Variants in UGT1A10 observed in about 807,000 individuals in gnomAD.
UGT1A10 encodes the protein UDP-glucuronosyltransferase 1A10.
UGT1A10 carries 49 observed loss-of-function variants against 45.8 expected under a neutral mutation model. The ratio of observed to expected loss-of-function variants is 1.07; its 90% CI spans 0.85 to 1.36. The LOEUF (loss-of-function observed/expected upper bound fraction) is 1.36, where lower values mean the gene tolerates loss of function less well. UGT1A10 is among the 40% of genes most tolerant of loss of function. The pLI is 0.00. For synonymous variants in UGT1A10, 284 were observed against 249.7 expected, an observed-to-expected ratio of 1.14 and a Z score of -1.29; for missense variants, 745 against 668.6, an observed-to-expected ratio of 1.11 and a Z score of -1.26.
intron 1 of UGT1A10, chr2:233,693,450 C>G (rs767791458): frequency 1.2e-6 from 2 of 1,614,122 alleles, no homozygotes; most frequent in Non-Finnish European, 1.7e-6. Flanking sequence ...GCTCTTTTCA[C>G]AGACCCAGCC....
At chr2:233,683,914 A>G (rs2074656388) in intron 1 of UGT1A10, among the ~76,000 whole-genome samples, 1 of 152,210 alleles carries the variant, frequency 6.6e-6, no homozygotes, top group Non-Finnish European at 1.5e-5. Context: ...CGGAGCATAT[A>G]GTTCCAAAAT....
Position 233,769,857 on chromosome 2 carries a change from CAAAAAA to C in UGT1A10, c.1295+1430_1295+1435del. 2.7e-5 allele frequency: 6 copies of C among 223,658 alleles called. No homozygotes were observed. Among genetic ancestry groups the C allele is most frequent in the Non-Finnish European group, 3.2e-5 (4 of 125,112 alleles). The allele number at this position is 223,658 out of a possible 1,614,324, so 13.9% of individuals were successfully genotyped here. On this transcript the variant is annotated intron_variant, in intron 4 of 4. Transcript: ENST00000344644. This position sits in a 1 kb window ranked among gnomAD's most constrained non-coding sequence, Gnocchi z 4.4. ...TGGGCAACAGAGTGAGACCCTGTCT[CAAAAAA>C]AAAAAAAAAAATGAAAAGTCCACAT...
At chr2:233,680,451 G>A (rs17863777) in intron 1 of UGT1A10, among the ~76,000 whole-genome samples, 1 of 152,156 alleles carries the variant, frequency 6.6e-6, no homozygotes, top group East Asian at 1.9e-4. Flanking sequence ...AAGTGACTAA[G>A]CAAATGTCTA....
At chr2:233,670,745 C>T (rs781379004) in intron 1 of UGT1A10, among the ~76,000 whole-genome samples, 9 of 152,060 alleles carry the variant, frequency 5.9e-5, no homozygotes, top group Non-Finnish European at 8.8e-5. Context: ...GCAAGTAGAC[C>T]ACTTTGACAC....
chr2:233,672,699 G>T (rs1194232610), intron 1 of UGT1A10: 5 of 1,613,882 alleles, frequency 3.1e-6, no homozygotes, highest in Non-Finnish European at 4.2e-6. Flanking sequence ...TGTTGCGAAC[G>T]GACTTTGTTT....
intron 1 of UGT1A10, among the ~76,000 whole-genome samples, chr2:233,668,095 G>A (rs2074114165): frequency 6.6e-6 from 1 of 151,830 alleles, no homozygotes; most frequent in Non-Finnish European, 1.5e-5. Context: ...TAGGGTACAT[G>A]TGCACAACAT....
At chr2:233,743,996 C>T (rs76063448) in intron 1 of UGT1A10, 37,130 of 1,239,474 alleles carry the variant, frequency 0.03, 683 homozygotes, top group African/African-American at 0.05. Context: ...GGCCCGAGTG[C>T]TCGGAGACCT....
chr2:233,755,332 C>G, intron 1 of UGT1A10: 1 of 459,718 alleles, frequency 2.2e-6, no homozygotes, highest in Non-Finnish European at 3.7e-6. Flanking sequence ...CCAGCACCCG[C>G]GCACAGGTCA....
At chr2:233,682,545 T>C in intron 1 of UGT1A10, 1 of 1,613,930 alleles carries the variant, frequency 6.2e-7, no homozygotes. Context: ...GCCATGACTT[T>C]CAAGGAGAGA....
chr2:233,647,781 A>C (rs1235813699), intron 1 of UGT1A10: 2 of 556,374 alleles, frequency 3.6e-6, no homozygotes, highest in African/African-American at 3.8e-5. Context: ...CTTTTTTCCT[A>C]ATCAGTCTGG....
chr2:233,672,073 A>G, intron 1 of UGT1A10: 1 of 1,614,100 alleles, frequency 6.2e-7, no homozygotes, highest in Non-Finnish European at 8.5e-7. Context: ...GGTGGTGGAG[A>G]AACTCATTCT....
chr2:233,638,917 C>G lies in UGT1A10; in HGVS notation c.855+1540C>G, dbSNP rs552701105. The stretch of plus-strand genomic sequence containing the variant: ...GCGAGGAGATGCAAGTTGCAGGACT[C>G]TAAGAGGTTGGACTTATCAAAGCAC... On this transcript the variant is annotated intron_variant, in intron 1 of 4. Coordinates refer to ENST00000344644, the MANE Select transcript of UGT1A10 (RefSeq NM_019075.4). Among the ~76,000 whole-genome samples, 11 of 152,326 alleles carry G rather than the reference C, an allele frequency of 7.2e-5. 1 individual carries two copies. In the South Asian group the frequency reaches 2.3e-3, roughly 32 times the overall value.
At position 233,636,805 on chromosome 2, in the gene UGT1A10, C is replaced by G. The variant is rs28969681; in HGVS notation, c.283C>G (p.His95Asp). 28 of 1,614,212 alleles carry G rather than the reference C, an allele frequency of 1.7e-5. 1 individual carries two copies. Among genetic ancestry groups the G allele is most frequent in the East Asian group, 1.1e-4 (5 of 44,888 alleles). The change falls in exon 1 of 5, where the codon CAT becomes GAT. Residue 95 changes from histidine (H) to aspartate (D), a missense_variant. Transcript: ENST00000344644. Reference protein sequence around the residue: ...DQNREFMVFAHAQWKAQAQSI... With the variant: ...DQNREFMVFADAQWKAQAQSI... ...GAACCGGGAATTCATGGTTTTCGCCCATGCTCAATGGAAAGCACAGGCACA... is the reference window on the plus strand; with the variant it reads ...GAACCGGGAATTCATGGTTTTCGCCGATGCTCAATGGAAAGCACAGGCACA...
intron 1 of UGT1A10, chr2:233,690,513 A>G: frequency 1.6e-6 from 2 of 1,289,574 alleles, no homozygotes; most frequent in South Asian, 1.2e-5. Flanking sequence ...GATTTGTTTT[A>G]TCTTAGGATC....
At chr2:233,701,296 C>G (rs2075621546) in intron 1 of UGT1A10, among the ~76,000 whole-genome samples, 1 of 152,150 alleles carries the variant, frequency 6.6e-6, no homozygotes, top group Non-Finnish European at 1.5e-5. Flanking sequence ...AATCGCCACA[C>G]TGTCTTCCAC....
intron 1 of UGT1A10, among the ~76,000 whole-genome samples, chr2:233,651,245 G>T (rs1363084697): frequency 2.6e-5 from 4 of 151,984 alleles, no homozygotes; most frequent in Admixed American, 2.6e-4. Context: ...CCCAGTTGTG[G>T]GATCCTGCCA....
At chr2:233,760,485 G>T in intron 1 of UGT1A10, 2 of 1,614,228 alleles carry the variant, frequency 1.2e-6, no homozygotes, top group Non-Finnish European at 1.7e-6. Context: ...ACGCCTCGTT[G>T]TACATCAGAG....
chr2:233,682,073 G>A (rs2074555937), intron 1 of UGT1A10: 4 of 1,614,098 alleles, frequency 2.5e-6, no homozygotes, highest in Non-Finnish European at 3.4e-6. Flanking sequence ...GTCGGTGGTG[G>A]AGAAACTCAT....
rs377333605 is a variant in UGT1A10 at position 233,713,764 on chromosome 2, G to A, written c.856-53270G>A. 2.4e-5 allele frequency: 38 copies of A among 1,613,838 alleles called. No homozygotes were observed. Among genetic ancestry groups the A allele is most frequent in the Middle Eastern group, 3.3e-4 (2 of 6,074 alleles). On this transcript the variant is annotated intron_variant, in intron 1 of 4. Coordinates refer to ENST00000344644, the MANE Select transcript of UGT1A10 (RefSeq NM_019075.4). ...AGCCATGCATCTGTGTGGCTGTTCC[G>A]AGGGGACTTTGTGATGGATTACCCC...
Sources: allele counts gnomAD v4.1 joint callset (sites outside exome capture counted in the v4.1 genomes callset), GRCh38; gene constraint gnomAD v4.1.1; non-coding constraint Gnocchi (gnomAD v3.1); transcripts MANE v1.5; gene names NCBI Gene and HGNC (gene_info 2026-07-23, HGNC 2026-07-21).